The following ADGRL3 variants were observed in gnomAD, a reference collection of about 807,000 sequenced individuals.
The protein encoded by ADGRL3 is calcium-independent alpha-latrotoxin receptor 3.
In ADGRL3, 62 loss-of-function variants were observed where a neutral mutation model predicts 153.5. That is an observed-to-expected ratio of 0.40 (90% confidence interval 0.33 to 0.50). The LOEUF (loss-of-function observed/expected upper bound fraction) is 0.50. Ranked by LOEUF, ADGRL3 falls within the 20% of genes least tolerant of loss-of-function variation. ADGRL3 has a pLI of 0.47. For synonymous variants in ADGRL3, 710 were observed against 672.5 expected, an observed-to-expected ratio of 1.06 and a Z score of -0.86; for missense variants, 1,641 against 1,859.4, an observed-to-expected ratio of 0.88 and a Z score of 2.16.
intron 6 of ADGRL3, among the ~76,000 whole-genome samples, chr4:61,716,368 C>A (rs906658449): frequency 6.6e-6 from 1 of 152,046 alleles, no homozygotes; most frequent in Non-Finnish European, 1.5e-5. Context: ...TGTAGCATTG[C>A]TGCCAGGGGT....
chr4:62,024,545 G>T (rs1717210424), intron 21 of ADGRL3, among the ~76,000 whole-genome samples: 1 of 151,992 alleles, frequency 6.6e-6, no homozygotes. Context: ...TGACTTTCAT[G>T]TTTTTGAAGA....
Position 62,028,790 on chromosome 4 carries a change from A to T in ADGRL3, c.3396-65A>T. 4.4e-6 allele frequency: 6 copies of T among 1,369,306 alleles called. No homozygotes were observed. In the South Asian group the frequency reaches 6.3e-5, roughly 14 times the overall value. The allele number at this position is 1,369,306 out of a possible 1,614,324, so 84.8% of individuals were successfully genotyped here. On this transcript the variant is annotated intron_variant, in intron 21 of 26. Coordinates refer to ENST00000683033, the MANE Select transcript of ADGRL3 (RefSeq NM_001387552.1). Reference sequence around the variant, plus strand: ...TGGGGACCAGGAGAATATTTTTCATATGAAATTCTTTGTCATAAAATGCTA... The same window carrying T: ...TGGGGACCAGGAGAATATTTTTCATTTGAAATTCTTTGTCATAAAATGCTA...
At chr4:61,613,940 A>G (rs992734656) in intron 5 of ADGRL3, among the ~76,000 whole-genome samples, 3 of 152,326 alleles carry the variant, frequency 2.0e-5, no homozygotes, top group Admixed American at 2.0e-4. Context: ...TACTGTTTCA[A>G]AATGATGTGC....
At chr4:61,759,296 CT>C (rs2096878998) in intron 8 of ADGRL3, among the ~76,000 whole-genome samples, 2 of 152,212 alleles carry the variant, frequency 1.3e-5, no homozygotes. Flanking sequence ...CTCCCCATCA[CT>C]TTCAGGTACA....
chr4:61,973,738 A>G (rs1412598832), intron 17 of ADGRL3, among the ~76,000 whole-genome samples: 5 of 152,000 alleles, frequency 3.3e-5, no homozygotes, highest in African/African-American at 1.2e-4. Context: ...TCAAAAATTA[A>G]CACTAGTCTA....
chr4:61,511,055 G>T (rs988810766), intron 3 of ADGRL3, among the ~76,000 whole-genome samples: 1 of 151,884 alleles, frequency 6.6e-6, no homozygotes, highest in Admixed American at 6.6e-5. Context: ...TCTTGACTTG[G>T]CTCTTAGCTT....
At chr4:61,692,761 G>A (rs953789332) in intron 6 of ADGRL3, among the ~76,000 whole-genome samples, 6 of 152,048 alleles carry the variant, frequency 3.9e-5, no homozygotes, top group Non-Finnish European at 8.8e-5. Flanking sequence ...CTTAATGATA[G>A]TGTTAATACT....
intron 4 of ADGRL3, among the ~76,000 whole-genome samples, chr4:61,524,134 C>T (rs1458408203): frequency 1.3e-5 from 2 of 151,968 alleles, no homozygotes; most frequent in Admixed American, 6.6e-5. Flanking sequence ...TCTTCTCTAT[C>T]CCCTTACCTA....
At chr4:62,022,385 G>A (rs1220242796) in intron 21 of ADGRL3, among the ~76,000 whole-genome samples, 1 of 152,162 alleles carries the variant, frequency 6.6e-6, no homozygotes, top group Non-Finnish European at 1.5e-5. Context: ...GCAAGATGAA[G>A]CAGAGAGTGC....
chr4:61,681,341 G>A (rs1484661922), intron 6 of ADGRL3, among the ~76,000 whole-genome samples: 1 of 151,990 alleles, frequency 6.6e-6, no homozygotes, highest in Non-Finnish European at 1.5e-5. Flanking sequence ...ACACTCAAAA[G>A]GTGTTTGTCT....
chr4:61,215,759 A>G (rs781422736), intron 1 of ADGRL3, among the ~76,000 whole-genome samples: 3 of 151,708 alleles, frequency 2.0e-5, no homozygotes, highest in Non-Finnish European at 2.9e-5. Flanking sequence ...TCGCCGTGTT[A>G]GCCAGGATGG....
intron 2 of ADGRL3, among the ~76,000 whole-genome samples, chr4:61,415,500 A>G (rs2097134919): frequency 6.6e-6 from 1 of 152,088 alleles, no homozygotes; most frequent in African/African-American, 2.4e-5. Context: ...GAAAGCAACA[A>G]CAATGTTATG....
intron 19 of ADGRL3, among the ~76,000 whole-genome samples, chr4:61,990,141 A>G (rs945616022): frequency 6.6e-6 from 1 of 152,138 alleles, no homozygotes; most frequent in African/African-American, 2.4e-5. Context: ...GGGAATACCC[A>G]ATGCCCATCA....
At chr4:61,900,257 A>G (rs1490035877) in intron 11 of ADGRL3, among the ~76,000 whole-genome samples, 2 of 152,198 alleles carry the variant, frequency 1.3e-5, no homozygotes, top group African/African-American at 4.8e-5. Context: ...CTTTAGTTCA[A>G]AAAAGAAATT....
intron 2 of ADGRL3, among the ~76,000 whole-genome samples, chr4:61,457,859 T>C (rs1560668191): frequency 6.8e-6 from 1 of 145,998 alleles, no homozygotes; most frequent in African/African-American, 2.6e-5. Context: ...GACAGATAGA[T>C]AGATAGATAG....
At chr4:61,624,940 A>C (rs549611568) in intron 5 of ADGRL3, among the ~76,000 whole-genome samples, 1 of 152,268 alleles carries the variant, frequency 6.6e-6, no homozygotes, top group South Asian at 2.1e-4. Context: ...TGTAGTAGAT[A>C]TGCCTCATTA....
chr4:61,926,737 G>A (rs1293609824), intron 13 of ADGRL3, among the ~76,000 whole-genome samples: 2 of 152,188 alleles, frequency 1.3e-5, no homozygotes, highest in Admixed American at 6.5e-5. Context: ...ACTGTATATT[G>A]CTCTATTACC....
rs565959527 is a variant in ADGRL3, at chr4:61,731,733, C to A, written c.599-1021C>A. ...TTCTTACACACATGTGGCTAAGGAT[C>A]CCTTTTTCCTTTCTGTGTAACATCT... On this transcript the variant is annotated intron_variant, in intron 7 of 26. Transcript: ENST00000683033. 2.6e-5 allele frequency among the ~76,000 whole-genome samples: 4 copies of A among 152,206 alleles called. No individual in the cohort carries two copies. The South Asian group carries it at 8.3e-4, about 32-fold the overall frequency.
intron 5 of ADGRL3, among the ~76,000 whole-genome samples, chr4:61,598,109 G>C (rs1248214945): frequency 6.6e-6 from 1 of 151,836 alleles, no homozygotes; most frequent in Non-Finnish European, 1.5e-5. Flanking sequence ...AGCAAACATA[G>C]AGCCCTTCAA....
Sources: allele counts gnomAD v4.1 joint callset (sites outside exome capture counted in the v4.1 genomes callset), GRCh38; gene constraint gnomAD v4.1.1; transcripts MANE v1.5; gene names NCBI Gene and HGNC (gene_info 2026-07-23, HGNC 2026-07-21).